RGS3: variants seen among roughly 807,000 people sequenced by gnomAD.
RGS3 encodes regulator of G-protein signalling 3.
A neutral mutation model predicts 132.6 loss-of-function variants in RGS3; 80 were observed. The observed-to-expected ratio is 0.60, with a 90% CI of 0.50 to 0.73. The LOEUF (loss-of-function observed/expected upper bound fraction) is 0.73. RGS3 is among the 30% of genes least tolerant of loss of function. The pLI is 0.00. For synonymous variants in RGS3, 598 were observed against 620.6 expected (o/e 0.96, Z 0.54); for missense variants, 1,382 against 1,530.8 (o/e 0.90, Z 1.62).
At chr9:113,558,178 G>A (rs1190801293) in intron 19 of RGS3, among the ~76,000 whole-genome samples, 2 of 152,172 alleles carry the variant, frequency 1.3e-5, no homozygotes, top group Non-Finnish European at 2.9e-5. Flanking sequence ...TTAATTGCAC[G>A]GGGAGTGTTT....
At chr9:113,474,882 G>A (rs530402334) in intron 3 of RGS3, among the ~76,000 whole-genome samples, 1 of 152,158 alleles carries the variant, frequency 6.6e-6, no homozygotes, top group African/African-American at 2.4e-5. Flanking sequence ...GTCTAGCAAA[G>A]GTGTGCAGTC....
intron 14 of RGS3, among the ~76,000 whole-genome samples, chr9:113,513,969 T>C (rs1397175557): frequency 6.6e-6 from 1 of 151,916 alleles, no homozygotes; most frequent in East Asian, 1.9e-4. Flanking sequence ...CAGGGAGTAG[T>C]GGGAATGGTG....
chr9:113,583,484 T>C (rs774720429), exon 20 of RGS3: 1 of 1,614,198 alleles, frequency 6.2e-7, no homozygotes, highest in South Asian at 1.1e-5. Flanking sequence ...AAGAGGGAGA[T>C]GGCCTTGGAG....
intron 19 of RGS3, among the ~76,000 whole-genome samples, chr9:113,572,152 C>T (rs751451114): frequency 6.6e-5 from 10 of 152,036 alleles, no homozygotes; most frequent in Non-Finnish European, 1.2e-4. Flanking sequence ...AGAGGAGAAA[C>T]GGTGTGGTGG....
At chr9:113,478,103 A>C (rs942857186) in intron 3 of RGS3, among the ~76,000 whole-genome samples, 4 of 152,106 alleles carry the variant, frequency 2.6e-5, no homozygotes, top group African/African-American at 4.8e-5. Flanking sequence ...TTTTTTAAAA[A>C]ATTTAAACAA....
chr9:113,590,836 C>T (rs1057013464), intron 20 of RGS3, among the ~76,000 whole-genome samples: 2 of 152,156 alleles, frequency 1.3e-5, no homozygotes, highest in African/African-American at 4.8e-5. Context: ...CCATGGAAAG[C>T]TATAAGGCAA....
chr9:113,485,765 C>A, intron 7 of RGS3, 72 bp downstream of exon 5: 2 of 1,123,010 alleles, frequency 1.8e-6, no homozygotes, highest in Non-Finnish European at 2.6e-6. Context: ...GGCCAGCATA[C>A]ACCAGGGGTT....
At chr9:113,504,056 G>A (rs1412679923) in intron 10 of RGS3, among the ~76,000 whole-genome samples, 3 of 152,182 alleles carry the variant, frequency 2.0e-5, no homozygotes, top group Non-Finnish European at 2.9e-5. Context: ...GCCCGGGGCT[G>A]GTGGGAAGCA....
At chr9:113,481,618 G>C (rs966878224) in intron 4 of RGS3, among the ~76,000 whole-genome samples, 7 of 152,234 alleles carry the variant, frequency 4.6e-5, no homozygotes, top group African/African-American at 1.4e-4. Context: ...GTCCTGCACA[G>C]TTTGCTTTGG....
chr9:113,532,886 G>A (rs1168425661), intron 18 of RGS3, among the ~76,000 whole-genome samples: 2 of 152,178 alleles, frequency 1.3e-5, no homozygotes, highest in East Asian at 3.9e-4. Flanking sequence ...AGCGAACTCT[G>A]CAGCTGCTCT....
intron 19 of RGS3, chr9:113,564,828 AT>A: frequency 1.5e-6 from 1 of 677,874 alleles, no homozygotes; most frequent in Admixed American, 6.2e-5. Context: ...GGGCAGTCGC[AT>A]TCTGGAAGTC....
At chr9:113,583,722 C>T (rs61749207) in exon 20 of RGS3, 324 of 1,613,948 alleles carry the variant, frequency 2.0e-4, no homozygotes, top group Non-Finnish European at 2.5e-4. Flanking sequence ...GCCAGGAACC[C>T]CCTCCAGCCC....
chr9:113,509,011 C>T (rs546075017), intron 14 of RGS3, among the ~76,000 whole-genome samples: 1 of 152,054 alleles, frequency 6.6e-6, no homozygotes, highest in Non-Finnish European at 1.5e-5. Context: ...CTTGGTCGGG[C>T]GTGGTGGCTC....
rs557064305 is a variant in RGS3 at position 113,575,122 on chromosome 9, C to A, written c.2038-8328C>A. 9.3e-4 allele frequency among the ~76,000 whole-genome samples: 141 copies of A among 152,302 alleles called. 2 individuals are homozygous for A. Among genetic ancestry groups the A allele is most frequent in the African/African-American group, 3.2e-3 (133 of 41,562 alleles). ...ACCCAGACCCCGGGAGCCGCCTCCC[C>A]GCCCTGGGAGAAGCTGGGCATCCAG... On this transcript the variant is annotated intron_variant, in intron 19 of 24. Transcript: ENST00000350696.
chr9:113,501,901 G>A (rs1357724924), intron 10 of RGS3, among the ~76,000 whole-genome samples: 1 of 152,204 alleles, frequency 6.6e-6, no homozygotes, highest in Non-Finnish European at 1.5e-5. Context: ...CTGGGGAGGG[G>A]CTGTGGGTGT....
At chr9:113,461,905 C>T (rs1000022701) in intron 2 of RGS3, 8 of 1,599,876 alleles carry the variant, frequency 5.0e-6, no homozygotes, top group Non-Finnish European at 6.8e-6. Flanking sequence ...TCCCTGTGGG[C>T]CTTCCTTTGC....
chr9:113,555,889 C>G (rs1174080181), intron 19 of RGS3, among the ~76,000 whole-genome samples: 1 of 152,248 alleles, frequency 6.6e-6, no homozygotes, highest in Non-Finnish European at 1.5e-5. Context: ...GCCTCTGTCT[C>G]TCACATACCA....
Position 113,506,450 on chromosome 9 carries a change from C to A in RGS3, c.1042C>A (p.Pro348Thr), listed in dbSNP as rs762951012. Residue 348 changes from proline (P) to threonine (T), a missense_variant, in exon 12 of 25, where the codon CCT becomes ACT. Physicochemically the swap from Pro to Thr is conservative, Grantham distance 38 (BLOSUM62 -1). Coordinates refer to ENST00000350696, the Ensembl canonical transcript of RGS3. The surrounding 1 kb of genome is among the most constrained non-coding windows in gnomAD (Gnocchi z 4.7). Reference sequence around the variant, plus strand: ...CACGGTGCTGCAGCTGAATGAGAGGCCTGTGGAGCACTGGAAATGTGTGGA... The same window carrying A: ...CACGGTGCTGCAGCTGAATGAGAGGACTGTGGAGCACTGGAAATGTGTGGA... 2 of 1,598,436 alleles carry A rather than the reference C, an allele frequency of 1.3e-6. No individual in the cohort carries two copies. Among genetic ancestry groups the A allele is most frequent in the East Asian group, 4.5e-5 (2 of 44,288 alleles).
At chr9:113,576,172 C>T (rs1159481317) in intron 19 of RGS3, among the ~76,000 whole-genome samples, 1 of 151,568 alleles carries the variant, frequency 6.6e-6, no homozygotes, top group Non-Finnish European at 1.5e-5. Context: ...TGCACTCCAG[C>T]CTGGGCGACA....
Sources: gnomAD v4.1 joint callset for allele counts (sites outside exome capture counted in the v4.1 genomes callset) on GRCh38, gnomAD v4.1.1 for gene constraint, Gnocchi (gnomAD v3.1) non-coding constraint, MANE v1.5 for transcripts, NCBI Gene and HGNC (gene_info 2026-07-23, HGNC 2026-07-21) for gene names.